The following OBSL1 variants were observed in gnomAD, a reference collection of about 807,000 sequenced individuals.
OBSL1 encodes obscurin like cytoskeletal adaptor 1.
A neutral mutation model predicts 172.0 loss-of-function variants in OBSL1; 160 were observed. That is an observed-to-expected ratio of 0.93 (90% CI 0.82 to 1.06). The LOEUF is 1.06. Ranked by LOEUF, OBSL1 falls within the 50% of genes least tolerant of loss-of-function variation. The pLI, the probability that OBSL1 is intolerant of heterozygous loss-of-function variation, is 0.00. For missense variants in OBSL1, 2,681 were observed against 2,715.4 expected, an observed-to-expected ratio of 0.99 and a Z score of 0.28; for synonymous variants, 1,200 against 1,196.3, an observed-to-expected ratio of 1.00 and a Z score of -0.06.
chr2:219,568,087 C>T lies in OBSL1; in HGVS notation c.1250G>A (p.Arg417Gln), dbSNP rs561956919. 23 of 1,612,230 alleles carry T rather than the reference C, an allele frequency of 1.4e-5. No homozygotes were observed. In the South Asian group the frequency reaches 1.6e-4, roughly 12 times the overall value. Residue 417 changes from arginine to glutamine, a missense_variant, in exon 2 of 21, where the codon CGG becomes CAG. Arg to Gln is a conservative substitution (Grantham distance 43). This residue lies in a region of OBSL1 where 706 missense variants were observed against 695.8 expected (regional missense o/e 1.01). Coordinates refer to ENST00000404537, the MANE Select transcript of OBSL1 (RefSeq NM_015311.3). The surrounding 1 kb of genome is among the most constrained non-coding windows in gnomAD (Gnocchi z 4.1). ...DGIYLCEMRG[R>Q]VRTVANVTVK... ...TGTGACGTTGGCCACGGTGCGCACC[C>T]GGCCCCGCATCTCGCACAGGTAGAT...
chr2:219,565,138 C>T, intron 6 of OBSL1, 104 bp downstream of exon 6: 1 of 1,234,484 alleles, frequency 8.1e-7, no homozygotes, highest in Non-Finnish European at 1.1e-6. Flanking sequence ...CTGGACTCTC[C>T]CTGTAAAGGA....
At position 219,550,758 on chromosome 2, in the gene OBSL1, T is replaced by C. The variant is rs1695556604; in HGVS notation, c.*77A>G. 1 of 1,557,350 alleles carries C rather than the reference T, an allele frequency of 6.4e-7. No homozygotes were observed. Among genetic ancestry groups the C allele is most frequent in the African/African-American group, 1.4e-5 (1 of 73,616 alleles). On this transcript the variant is annotated 3_prime_UTR_variant, in exon 21 of 21. Transcript: ENST00000404537. ...TGTAGCACTTTTATTGTTCCTTGTC[T>C]CTCTACCCCTGCCCAGGGTAAGGGC...
Position 219,552,271 on chromosome 2 carries a change from G to A in OBSL1, c.5309-55C>T. On this transcript the variant is annotated intron_variant, in intron 18 of 20. Transcript: ENST00000404537. ...GGAGCCACCTCTGAGGAGCGTTGGG[G>A]ACGAAGGTGGGGGCCCAGCAGGCCC... is the stretch of plus-strand genomic sequence containing the variant. 7 of 1,491,336 alleles carry A rather than the reference G, an allele frequency of 4.7e-6. No homozygotes were observed. In the East Asian group the frequency reaches 7.3e-5, roughly 16 times the overall value. The allele number at this position is 1,491,336 out of a possible 1,614,324, so 92.4% of individuals were successfully genotyped here.
chr2:219,568,725 T>C lies in OBSL1; in HGVS notation c.1013-401A>G, dbSNP rs947855807. On this transcript the variant is annotated intron_variant, in intron 1 of 20. Transcript: ENST00000404537. This position sits in a 1 kb window ranked among gnomAD's most constrained non-coding sequence, Gnocchi z 4.1. Reference sequence around the variant, plus strand: ...TCATTTCACATATTCTGCAAGGGTCTGAGTAGAATTTAAAATATTTTAACT... The same window carrying C: ...TCATTTCACATATTCTGCAAGGGTCCGAGTAGAATTTAAAATATTTTAACT... Among the ~76,000 whole-genome samples the C allele has an allele frequency of 2.0e-5, 3 of 152,132 alleles. No individual in the cohort carries two copies. The highest frequency in any genetic ancestry group is 7.2e-5 in the African/African-American group (3 of 41,424).
rs560438428 is a variant in OBSL1, at chr2:219,552,228, G to C, written c.5309-12C>G. 9 of 1,583,576 alleles carry C rather than the reference G, an allele frequency of 5.7e-6. No homozygotes were observed. The African/African-American group carries it at 1.2e-4, about 21-fold the overall frequency. On this transcript the variant is annotated splice_polypyrimidine_tract_variant and intron_variant, in intron 18 of 20. Transcript: ENST00000404537. The stretch of plus-strand genomic sequence containing the variant: ...AATGTGTTTCTTCCCTGGGGGTGAG[G>C]GGGTCGCTAGCGAGGCCGGAGCCAC...
Position 219,570,567 on chromosome 2 carries a change from C to T in OBSL1, c.666G>A (p.Ala222=). 3.2e-6 allele frequency: 5 copies of T among 1,541,282 alleles called. No individual in the cohort carries two copies. The highest frequency in any genetic ancestry group is 3.5e-6 in the Non-Finnish European group (4 of 1,147,274). The stretch of plus-strand genomic sequence containing the variant: ...CGGGGGGCTGGTGCACCTGGAGCAG[C>T]GCCCCCGCCTGCGCGTGGCCGTGCG... ...RNAHGHAQAG[A]LLQVHQPPES... is the part of the protein sequence containing the mutation. Residue 222 remains alanine (A), a synonymous_variant, in exon 1 of 21, where the codon GCG becomes GCA. Coordinates refer to ENST00000404537, the MANE Select transcript of OBSL1 (RefSeq NM_015311.3).
chr2:219,568,059 G>C lies in OBSL1; in HGVS notation c.1278C>G (p.Val426=). The change falls in exon 2 of 21, where the codon GTC becomes GTG. Residue 426 remains valine, a synonymous_variant. Coordinates refer to ENST00000404537, the MANE Select transcript of OBSL1 (RefSeq NM_015311.3). The surrounding 1 kb of genome is among the most constrained non-coding windows in gnomAD (Gnocchi z 4.1). ...GRVRTVANVT[V]KGPILKRLPR... Reference sequence around the variant, plus strand: ...CTTCCCCACGGGCCAGCTGACCTTTGACTGTGACGTTGGCCACGGTGCGCA... The same window carrying C: ...CTTCCCCACGGGCCAGCTGACCTTTCACTGTGACGTTGGCCACGGTGCGCA... 6.2e-7 allele frequency: 1 copy of C among 1,609,538 alleles called. No individual in the cohort carries two copies. The highest frequency in any genetic ancestry group is 1.1e-5 in the South Asian group (1 of 91,038).
chr2:219,555,552 T>C lies in OBSL1; in HGVS notation c.4609+468A>G, dbSNP rs555703450. 1.6e-3 allele frequency: 1,354 copies of C among 848,318 alleles called. 1 individual carries two copies. The highest frequency in any genetic ancestry group is 1.7e-3 in the Non-Finnish European group (1,208 of 702,406). The allele number at this position is 848,318 out of a possible 1,614,324, so 52.5% of individuals were successfully genotyped here. ...GCCTTGGCCTCCCAAAGTGTTAGGA[T>C]TATAGGCGTGAGCCACTGCACCTGG... On this transcript the variant is annotated intron_variant, in intron 14 of 20. Coordinates refer to ENST00000404537, the MANE Select transcript of OBSL1 (RefSeq NM_015311.3).
chr2:219,552,315 C>G, intron 18 of OBSL1, 99 bp from the exon 19 acceptor site: 1 of 1,164,084 alleles, frequency 8.6e-7, no homozygotes, highest in Non-Finnish European at 1.2e-6. Context: ...GTTCGGACGC[C>G]GTTAGTGTAT....
At chr2:219,549,148 A>G (rs1695470484), downstream of OBSL1, 2 of 1,613,774 alleles carry the variant, frequency 1.2e-6, no homozygotes, top group Non-Finnish European at 1.7e-6. Flanking sequence ...CCATCCCACC[A>G]CAGTGGTCAT....
chr2:219,567,220 A>G (rs1696969108), intron 4 of OBSL1, 53 bp downstream of exon 4: 36 of 1,563,060 alleles, frequency 2.3e-5, no homozygotes, highest in Non-Finnish European at 3.0e-5. Flanking sequence ...ACCAGCACTG[A>G]GGGCTGGGGA....
Position 219,556,231 on chromosome 2 carries a change from C to T in OBSL1, c.4398G>A (p.Val1466=). The part of the protein sequence containing the change: ...QDVRAEEGQD[V]CLEVETGRVG... ...CTCGGCCTGTCTCCACTTCGAGACA[C>T]ACATCCTGGCCTTCCTCTGCCCGCA... Residue 1466 remains valine, a synonymous_variant, in exon 14 of 21, where the codon GTG becomes GTA. Transcript: ENST00000404537. 6.2e-7 allele frequency: 1 copy of T among 1,605,814 alleles called. No individual in the cohort carries two copies. Among genetic ancestry groups the T allele is most frequent in the Non-Finnish European group, 8.5e-7 (1 of 1,174,234 alleles).
intron 8 of OBSL1, among the ~76,000 whole-genome samples, chr2:219,559,817 G>T (rs1696330530): frequency 6.6e-6 from 1 of 152,022 alleles, no homozygotes; most frequent in Admixed American, 6.5e-5. Flanking sequence ...CCCTAAGCAG[G>T]ATAGATTGAA....
In OBSL1 at chr2:219,562,706, GA is replaced by G. The variant is rs55904205; in HGVS notation, c.2681-33del. On this transcript the variant is annotated intron_variant, in intron 7 of 20. Transcript: ENST00000404537. ...GACAGGGACAGCCACTGCCGGGCAT[GA>G]GGGGTGTGCCCTGCCGTCCTCCCTG... The G allele has an allele frequency of 0.24, 358,343 of 1,520,152 alleles. 44,245 individuals carry two copies. The highest frequency in any genetic ancestry group is 0.27 in the Admixed American group (13,388 of 50,436). 94.2% of individuals were successfully genotyped at this position (1,520,152 alleles called of 1,614,324 possible).
intron 5 of OBSL1, 92 bp from the exon 6 acceptor site, chr2:219,565,606 G>A (rs1239260275): frequency 2.2e-6 from 3 of 1,347,474 alleles, no homozygotes; most frequent in Non-Finnish European, 3.1e-6. Context: ...TGTTGTTGGG[G>A]TTTTTAAAAA....
chr2:219,555,624 C>G lies in OBSL1; in HGVS notation c.4609+396G>C, dbSNP rs898132825. The G allele has an allele frequency of 4.9e-6, 5 of 1,025,388 alleles. No homozygotes were observed. In the African/African-American group the frequency reaches 8.6e-5, roughly 18 times the overall value. 63.5% of individuals were successfully genotyped at this position (1,025,388 alleles called of 1,614,324 possible). A position where few individuals can be genotyped will look rare whatever the true frequency, so the allele number is the denominator to read the frequency against. On this transcript the variant is annotated intron_variant, in intron 14 of 20. Coordinates refer to ENST00000404537, the MANE Select transcript of OBSL1 (RefSeq NM_015311.3). ...GACTTGGCTCAAAGAGGTTAACTTG[C>G]ATGAGGTCACATAGGAAACAGAGGG...
chr2:219,556,181 C>G lies in OBSL1; in HGVS notation c.4448G>C (p.Trp1483Ser), dbSNP rs769517574. 1.2e-6 allele frequency: 2 copies of G among 1,612,948 alleles called. No homozygotes were observed. Among genetic ancestry groups the G allele is most frequent in the South Asian group, 2.2e-5 (2 of 90,950 alleles). ...GRVGAAGAVR[W>S]VRGGQPLPHD... ...GGGCAGGGGCTGCCCACCTCGCACC[C>G]AGCGCACGGCCCCCGCTGCACCCAC... is the stretch of plus-strand genomic sequence containing the variant. The change falls in exon 14 of 21, where the codon TGG becomes TCG. Residue 1483 changes from tryptophan to serine, a missense_variant. Physicochemically the swap from Trp to Ser is radical, Grantham distance 177. Around this residue, in one of 5 missense-constraint regions of OBSL1, gnomAD observed 1,765 missense variants for 1,748.3 expected, o/e 1.01. Transcript: ENST00000404537.
chr2:219,566,871 C>A lies in OBSL1; in HGVS notation c.2093G>T (p.Ser698Ile). 1 of 1,599,814 alleles carries A rather than the reference C, an allele frequency of 6.3e-7. No individual in the cohort carries two copies. ...HQDSGALVGFSCPGVQDSAAL... is the reference protein window; with the variant it reads ...HQDSGALVGFICPGVQDSAAL... ...AGCTGAGTCCTGCACGCCGGGGCAG[C>A]TGAAGCCGACCAGGGCACCGCTGTC... Residue 698 changes from serine (S) to isoleucine (I), a missense_variant, in exon 5 of 21, where the codon AGC becomes ATC. Transcript: ENST00000404537.
At chr2:219,562,059 C>T (rs575430860) in intron 8 of OBSL1, 100 of 710,194 alleles carry the variant, frequency 1.4e-4, no homozygotes, top group South Asian at 1.3e-3. Context: ...CCCAGGACTA[C>T]CCGTTTGCGA....
Sources: allele counts gnomAD v4.1 joint callset (sites outside exome capture counted in the v4.1 genomes callset), GRCh38; gene constraint gnomAD v4.1.1; regional missense constraint gnomAD v4.1.1; non-coding constraint Gnocchi (gnomAD v3.1); transcripts MANE v1.5; gene names NCBI Gene and HGNC (gene_info 2026-07-23, HGNC 2026-07-21).